The following ADRA1B variants were observed in gnomAD, a reference collection of about 807,000 sequenced individuals.
The protein encoded by ADRA1B is adrenoceptor alpha 1B, also known as alpha-1B adrenergic receptor.
A neutral mutation model predicts 17.9 loss-of-function variants in ADRA1B; 17 were observed. The ratio of observed to expected loss-of-function variants is 0.95; its 90% CI spans 0.65 to 1.42. ADRA1B has a LOEUF of 1.42. ADRA1B is among the 40% of genes most tolerant of loss of function. The pLI is 0.00. For synonymous variants in ADRA1B, 366 were observed against 327.6 expected, an observed-to-expected ratio of 1.12 and a Z score of -1.27; for missense variants, 681 against 722.1, an observed-to-expected ratio of 0.94 and a Z score of 0.65.
intron 1 of ADRA1B, among the ~76,000 whole-genome samples, chr5:159,953,132 A>G (rs1755478794): frequency 1.3e-5 from 2 of 152,178 alleles, no homozygotes; most frequent in South Asian, 4.1e-4. Flanking sequence ...AGGCCAAGGC[A>G]GGTGGATCAC....
At chr5:159,906,625 G>A (rs1754165002) in intron 1 of ADRA1B, among the ~76,000 whole-genome samples, 1 of 152,324 alleles carries the variant, frequency 6.6e-6, no homozygotes, top group African/African-American at 2.4e-5. Context: ...TGGCTATGCA[G>A]ACAAACCTTT....
At chr5:159,927,701 T>C (rs1754698635) in intron 1 of ADRA1B, among the ~76,000 whole-genome samples, 1 of 152,302 alleles carries the variant, frequency 6.6e-6, no homozygotes, top group South Asian at 2.1e-4. Context: ...TTCAAAAGTG[T>C]CTCAATTTGA....
intron 1 of ADRA1B, among the ~76,000 whole-genome samples, chr5:159,910,947 T>C (rs1183133816): frequency 6.6e-6 from 1 of 152,188 alleles, no homozygotes; most frequent in Non-Finnish European, 1.5e-5. Context: ...TTTTTTGCCT[T>C]TGATGACTTT....
chr5:159,950,484 C>A, intron 1 of ADRA1B: 1 of 1,427,638 alleles, frequency 7.0e-7, no homozygotes. Context: ...GGCTGGTGGT[C>A]CAGGGGTGTT....
At chr5:159,965,364 T>G (rs991215066) in intron 1 of ADRA1B, among the ~76,000 whole-genome samples, 1 of 152,154 alleles carries the variant, frequency 6.6e-6, no homozygotes, top group African/African-American at 2.4e-5. Flanking sequence ...CACAGGGGGT[T>G]AGTGGCATTG....
intron 1 of ADRA1B, among the ~76,000 whole-genome samples, chr5:159,956,427 A>G (rs1755551538): frequency 6.6e-6 from 1 of 150,734 alleles, no homozygotes; most frequent in African/African-American, 2.5e-5. Context: ...TTTTTTTAAT[A>G]GAAATCCAAA....
chr5:159,963,348 C>T (rs929649808), intron 1 of ADRA1B, among the ~76,000 whole-genome samples: 1 of 145,102 alleles, frequency 6.9e-6, no homozygotes, highest in Non-Finnish European at 1.5e-5. Context: ...TTCCTGTGAG[C>T]TGCATTGTGG....
chr5:159,879,470 AAT>A (rs1357172671), intron 1 of ADRA1B, among the ~76,000 whole-genome samples: 1 of 152,138 alleles, frequency 6.6e-6, no homozygotes, highest in East Asian at 1.9e-4. Context: ...CAGGACTATA[AAT>A]AAAGATTCCC....
At chr5:159,921,088 C>T (rs1235027377) in intron 1 of ADRA1B, among the ~76,000 whole-genome samples, 1 of 152,160 alleles carries the variant, frequency 6.6e-6, no homozygotes, top group East Asian at 1.9e-4. Flanking sequence ...TGTTCAGGGG[C>T]CCCATTTGTT....
At chr5:159,955,486 G>A (rs566698186) in intron 1 of ADRA1B, among the ~76,000 whole-genome samples, 59 of 152,280 alleles carry the variant, frequency 3.9e-4, no homozygotes, top group Middle Eastern at 6.8e-3. Context: ...GGAGCCTAAT[G>A]GTCTAAGTGG....
At chr5:159,962,435 T>A (rs972461205) in intron 1 of ADRA1B, among the ~76,000 whole-genome samples, 1 of 152,080 alleles carries the variant, frequency 6.6e-6, no homozygotes, top group East Asian at 1.9e-4. Flanking sequence ...AATCATCAGG[T>A]TTCATTTTCA....
At chr5:159,981,492 T>C in the ADRA1B span, among the ~76,000 whole-genome samples, 1 of 152,162 alleles carries the variant, frequency 6.6e-6, no homozygotes, top group Non-Finnish European at 1.5e-5. Context: ...TAGATGTCAC[T>C]TTTTGTTTGT....
Position 159,947,930 on chromosome 5 carries a change from C to A in ADRA1B, c.950-23949C>A, listed in dbSNP as rs959601304. The A allele has an allele frequency of 1.2e-5, 12 of 985,346 alleles. No individual in the cohort carries two copies. In the Admixed American group the frequency reaches 5.5e-4, roughly 45 times the overall value. 61.0% of individuals were successfully genotyped at this position (985,346 alleles called of 1,614,324 possible). ...TTCACATTCTCTGGCTTTCTGCAAG[C>A]TCTTCCAAGCTCCAGCTGTCCCTGG... On this transcript the variant is annotated intron_variant, in intron 1 of 1. Coordinates refer to ENST00000306675, the MANE Select transcript of ADRA1B (RefSeq NM_000679.4).
chr5:159,974,189 C>G (rs1019825278), downstream of ADRA1B, among the ~76,000 whole-genome samples: 6 of 152,216 alleles, frequency 3.9e-5, no homozygotes, highest in Non-Finnish European at 8.8e-5. Flanking sequence ...GTCTCTTACT[C>G]CTTCCTGTAG....
intron 1 of ADRA1B, among the ~76,000 whole-genome samples, chr5:159,934,605 G>A (rs1754903058): frequency 6.6e-6 from 1 of 152,008 alleles, no homozygotes; most frequent in Non-Finnish European, 1.5e-5. Context: ...AGGAGTTTGA[G>A]ACCAGCCTGG....
intron 1 of ADRA1B, among the ~76,000 whole-genome samples, chr5:159,959,788 T>C: frequency 6.7e-6 from 1 of 148,240 alleles, no homozygotes; most frequent in Non-Finnish European, 1.5e-5. Flanking sequence ...ATATTAATTG[T>C]AATAAAAATT....
chr5:159,891,571 A>G (rs969545289), intron 1 of ADRA1B, among the ~76,000 whole-genome samples: 1 of 152,188 alleles, frequency 6.6e-6, no homozygotes, highest in Non-Finnish European at 1.5e-5. Flanking sequence ...AATGTTCCCA[A>G]GCTAAGGGTC....
the ADRA1B span, among the ~76,000 whole-genome samples, chr5:159,984,080 C>A: frequency 3.3e-5 from 5 of 152,064 alleles, no homozygotes; most frequent in African/African-American, 1.2e-4. Flanking sequence ...TTCTTTCATA[C>A]TGCTTCCAAC....
intron 1 of ADRA1B, among the ~76,000 whole-genome samples, chr5:159,902,320 G>T (rs1012202091): frequency 1.3e-5 from 2 of 152,132 alleles, no homozygotes; most frequent in Admixed American, 1.3e-4. Context: ...AATGGGGCTG[G>T]GGGAGGCGGA....
Sources: allele counts gnomAD v4.1 joint callset (sites outside exome capture counted in the v4.1 genomes callset), GRCh38; gene constraint gnomAD v4.1.1; transcripts MANE v1.5; gene names NCBI Gene and HGNC (gene_info 2026-07-23, HGNC 2026-07-21).